ARID1B: variants seen among roughly 807,000 people sequenced by gnomAD.
ARID1B encodes the protein AT-rich interaction domain 1B.
ARID1B carries 30 observed loss-of-function variants against 212.3 expected under a neutral mutation model. That is an observed-to-expected ratio of 0.14 (90% CI 0.11 to 0.19). The LOEUF is 0.19. Among genes scored for constraint, ARID1B ranks in the 10% least tolerant of loss-of-function variants. ARID1B has a pLI of 1.00. For synonymous variants in ARID1B, 1,402 were observed against 1,301.7 expected (o/e 1.08, Z -1.66); for missense variants, 2,891 against 3,204.0 (o/e 0.90, Z 2.36).
At chr6:157,039,683 T>TTCCTTCCC (rs1385609255) in intron 4 of ARID1B, among the ~76,000 whole-genome samples, 7 of 92,576 alleles carry the variant, frequency 7.6e-5, no homozygotes, top group African/African-American at 2.1e-4. Flanking sequence ...CCTTCCTTCC[T>TTCCTTCCC]TCCTTCCTTC....
intron 12 of ARID1B, among the ~76,000 whole-genome samples, chr6:157,183,949 T>C (rs1792764174): frequency 6.6e-6 from 1 of 152,152 alleles, no homozygotes; most frequent in African/African-American, 2.4e-5. Flanking sequence ...TGAGATGCCC[T>C]TTTTCCTTAA....
At chr6:156,826,152 G>A (rs965520965) in intron 1 of ARID1B, among the ~76,000 whole-genome samples, 4 of 152,100 alleles carry the variant, frequency 2.6e-5, no homozygotes, top group Admixed American at 2.6e-4. Flanking sequence ...TGAATTTTGA[G>A]CAGAAAAGTT....
intron 4 of ARID1B, chr6:156,939,593 G>C (rs1005160154): frequency 2.0e-5 from 3 of 151,536 alleles, no homozygotes; most frequent in Admixed American, 1.3e-4. Context: ...AATTGCTAAG[G>C]GATCTGTTAG....
rs80180218 is a variant in ARID1B at position 156,986,438 on chromosome 6, C to A, written c.2247+50862C>A. ...TTTTAAGCTTATTCAAAGCCTGAAC[C>A]CCCTGCACGGTAAAATCATCAGCAT... On this transcript the variant is annotated intron_variant, in intron 4 of 19. Coordinates refer to ENST00000636930, the MANE Select transcript of ARID1B (RefSeq NM_001374828.1). 5.3e-3 allele frequency among the ~76,000 whole-genome samples: 813 copies of A among 152,280 alleles called. 7 individuals carry two copies. Among genetic ancestry groups the A allele is most frequent in the African/African-American group, 0.019 (783 of 41,534 alleles).
intron 4 of ARID1B, among the ~76,000 whole-genome samples, chr6:156,961,035 TG>T (rs1298426444): frequency 6.6e-6 from 1 of 152,268 alleles, no homozygotes; most frequent in African/African-American, 2.4e-5. Context: ...AAGATTTATG[TG>T]TTCCCACAGA....
At position 157,148,929 on chromosome 6, in the gene ARID1B, G is replaced by A. The variant is rs2128635001; in HGVS notation, c.3067G>A (p.Ala1023Thr). 1 of 1,612,086 alleles carries A rather than the reference G, an allele frequency of 6.2e-7. No homozygotes were observed. Among genetic ancestry groups the A allele is most frequent in the Non-Finnish European group, 8.5e-7 (1 of 1,179,412 alleles). Residue 1023 changes from alanine (A) to threonine (T), a missense_variant, in exon 8 of 20, where the codon GCT becomes ACT. By Grantham distance (58) the Ala-to-Thr change is moderately conservative. Around this residue, in one of 7 missense-constraint regions of ARID1B, gnomAD observed 1,643 missense variants for 1,544.0 expected, o/e 1.06. Coordinates refer to ENST00000636930, the MANE Select transcript of ARID1B (RefSeq NM_001374828.1). This position sits in a 1 kb window ranked among gnomAD's most constrained non-coding sequence, Gnocchi z 5.6. Reference protein sequence around the residue: ...QEAAAAVMQAAANSAQSRQGS... With the variant: ...QEAAAAVMQATANSAQSRQGS... ...GGCAGCCGCAGCAGTGATGCAGGCT[G>A]CTGCGAACTCAGCACAAAGCAGGTA...
chr6:156,880,045 A>G (rs1254578753), intron 2 of ARID1B, among the ~76,000 whole-genome samples: 1 of 152,226 alleles, frequency 6.6e-6, no homozygotes, highest in Non-Finnish European at 1.5e-5. Flanking sequence ...GGGAGCCCAG[A>G]TGCCCCCTGA....
At position 157,039,794 on chromosome 6, in the gene ARID1B, TTCTTTCTTTC is replaced by T. The variant is rs1294007087; in HGVS notation, c.2248-44856_2248-44847del. ...CTACCTACCTTCCTTCCTTCCTTCC[TTCTTTCTTTC>T]TCTTTCTTTCTTTTTCTCTCTTTCT... On this transcript the variant is annotated intron_variant, in intron 4 of 19. Coordinates refer to ENST00000636930, the MANE Select transcript of ARID1B (RefSeq NM_001374828.1). 1.0e-4 allele frequency among the ~76,000 whole-genome samples: 14 copies of T among 137,382 alleles called. 1 individual carries two copies. The highest frequency in any genetic ancestry group is 1.9e-4 in the Non-Finnish European group (12 of 64,854). 90.1% of individuals were successfully genotyped at this position (137,382 alleles called of 152,430 possible).
Position 157,207,387 on chromosome 6 carries a change from G to T in ARID1B, c.6615G>T (p.Val2205=), listed in dbSNP as rs1034348028. Residue 2205 remains valine (V), a synonymous_variant, in exon 20 of 20, where the codon GTG becomes GTT. Coordinates refer to ENST00000636930, the MANE Select transcript of ARID1B (RefSeq NM_001374828.1). This position sits in a 1 kb window ranked among gnomAD's most constrained non-coding sequence, Gnocchi z 8.5. ...PNSVLSPQRL[V]LETLCKLSIQ... Reference sequence around the variant, plus strand: ...CGGTCCTGTCGCCTCAGAGACTTGTGCTGGAGACCCTCTGTAAACTCAGTA... The same window carrying T: ...CGGTCCTGTCGCCTCAGAGACTTGTTCTGGAGACCCTCTGTAAACTCAGTA... 1 of 1,614,008 alleles carries T rather than the reference G, an allele frequency of 6.2e-7. No homozygotes were observed. Among genetic ancestry groups the T allele is most frequent in the African/African-American group, 1.3e-5 (1 of 74,874 alleles).
chr6:157,029,539 G>A (rs1780895851), intron 4 of ARID1B, among the ~76,000 whole-genome samples: 1 of 152,208 alleles, frequency 6.6e-6, no homozygotes, highest in Non-Finnish European at 1.5e-5. Context: ...AGGGAGAAAG[G>A]TGATACACAA....
intron 4 of ARID1B, among the ~76,000 whole-genome samples, chr6:157,003,857 TA>T (rs869248608): frequency 4.6e-5 from 7 of 151,298 alleles, no homozygotes; most frequent in African/African-American, 1.2e-4. Flanking sequence ...CCTGGATAAT[TA>T]AAAAAAAATT....
At chr6:157,181,662 T>C (rs1362126770) in intron 12 of ARID1B, among the ~76,000 whole-genome samples, 1 of 152,194 alleles carries the variant, frequency 6.6e-6, no homozygotes, top group Non-Finnish European at 1.5e-5. Flanking sequence ...GCCATTGCTG[T>C]GACCTCCAGC....
chr6:157,191,989 A>C (rs555013144), intron 15 of ARID1B, among the ~76,000 whole-genome samples: 1 of 152,348 alleles, frequency 6.6e-6, no homozygotes, highest in Non-Finnish European at 1.5e-5. Flanking sequence ...ACCATTTAAA[A>C]ATGAAATTCA....
intron 2 of ARID1B, among the ~76,000 whole-genome samples, chr6:156,859,699 C>T (rs921903160): frequency 3.3e-5 from 5 of 152,234 alleles, no homozygotes; most frequent in South Asian, 4.1e-4. Flanking sequence ...GATTAAAAGC[C>T]GTAGGTTGCA....
At chr6:157,003,297 C>T (rs1274888924) in intron 4 of ARID1B, among the ~76,000 whole-genome samples, 2 of 152,176 alleles carry the variant, frequency 1.3e-5, no homozygotes, top group Non-Finnish European at 2.9e-5. Context: ...TGTGTATGGA[C>T]AACACAGCCA....
At chr6:156,951,614 T>C (rs1326510453) in intron 4 of ARID1B, among the ~76,000 whole-genome samples, 1 of 151,988 alleles carries the variant, frequency 6.6e-6, no homozygotes. Context: ...CAACTAATTT[T>C]TTGTGTTTTT....
chr6:156,779,262 GCGC>G lies in ARID1B; in HGVS notation c.1597_1599del (p.Pro533del), dbSNP rs572236007. The G allele has an allele frequency of 1.2e-4, 136 of 1,145,108 alleles. No homozygotes were observed. The highest frequency in any genetic ancestry group is 3.7e-4 in the East Asian group (9 of 24,238). The allele number at this position is 1,145,108 out of a possible 1,614,324, so 70.9% of individuals were successfully genotyped here. On this transcript the variant is annotated inframe_deletion, in exon 1 of 20. Coordinates refer to ENST00000636930, the MANE Select transcript of ARID1B (RefSeq NM_001374828.1). ...CTACCCCGAGTACAGCAGCCCCAGC[GCGC>G]CGCCGCCGCCGCCGTCGCAGCCCCA...
chr6:157,082,064 G>A (rs1227954911), intron 4 of ARID1B, among the ~76,000 whole-genome samples: 1 of 152,086 alleles, frequency 6.6e-6, no homozygotes. Flanking sequence ...ACCCATCCTG[G>A]GTTTTTATGA....
chr6:156,882,013 T>G (rs1787138926), intron 2 of ARID1B, among the ~76,000 whole-genome samples: 1 of 152,220 alleles, frequency 6.6e-6, no homozygotes, highest in African/African-American at 2.4e-5. Context: ...CAGCCAGTAT[T>G]TTTTTAAGCA....
Sources: gnomAD v4.1 joint callset for allele counts (sites outside exome capture counted in the v4.1 genomes callset) on GRCh38, gnomAD v4.1.1 for gene constraint, gnomAD v4.1.1 regional missense constraint, Gnocchi (gnomAD v3.1) non-coding constraint, MANE v1.5 for transcripts, NCBI Gene and HGNC (gene_info 2026-07-23, HGNC 2026-07-21) for gene names.